ROBO2: variants seen among roughly 807,000 people sequenced by gnomAD.
The protein encoded by ROBO2 is roundabout guidance receptor 2.
In ROBO2, 53 loss-of-function variants were observed where a neutral mutation model predicts 160.8. That is an observed-to-expected ratio of 0.33 (90% confidence interval 0.26 to 0.41). The LOEUF (loss-of-function observed/expected upper bound fraction) is 0.41, where lower values mean the gene tolerates loss of function less well. ROBO2 is among the 10% of genes least tolerant of loss of function. The pLI, the probability that ROBO2 is intolerant of heterozygous loss-of-function variation, is 1.00. For synonymous variants in ROBO2, 664 were observed against 611.7 expected (o/e 1.09, Z -1.26); for missense variants, 1,577 against 1,722.4 (o/e 0.92, Z 1.49).
At chr3:76,306,890 T>C (rs2071358998) in intron 2 of ROBO2, among the ~76,000 whole-genome samples, 1 of 152,224 alleles carries the variant, frequency 6.6e-6, no homozygotes, top group Admixed American at 6.5e-5. Context: ...GACTATTGTA[T>C]ATTTAAGCGG....
intron 2 of ROBO2, among the ~76,000 whole-genome samples, chr3:76,667,008 A>G (rs1165744261): frequency 6.6e-6 from 1 of 152,106 alleles, no homozygotes; most frequent in East Asian, 1.9e-4. Context: ...AACTCAGAGG[A>G]ACACGCTCAT....
At chr3:76,068,784 CA>C (rs748415693) in intron 2 of ROBO2, among the ~76,000 whole-genome samples, 8 of 152,090 alleles carry the variant, frequency 5.3e-5, no homozygotes, top group Non-Finnish European at 1.2e-4. Flanking sequence ...TTCTACTTTC[CA>C]AAATTTGTTG....
intron 1 of ROBO2, among the ~76,000 whole-genome samples, chr3:77,095,312 C>T (rs1362529790): frequency 6.6e-6 from 1 of 152,058 alleles, no homozygotes; most frequent in Non-Finnish European, 1.5e-5. Flanking sequence ...GCTCATTGGA[C>T]ATACTGGAGT....
At chr3:76,442,871 G>A (rs1267792150) in intron 2 of ROBO2, among the ~76,000 whole-genome samples, 3 of 152,140 alleles carry the variant, frequency 2.0e-5, no homozygotes, top group East Asian at 3.9e-4. Context: ...ATTAGTTATT[G>A]TTACTCTCCA....
intron 2 of ROBO2, among the ~76,000 whole-genome samples, chr3:77,353,330 C>T (rs112197287): frequency 1.3e-4 from 20 of 152,076 alleles, no homozygotes; most frequent in East Asian, 5.8e-4. Context: ...ATTATATCAC[C>T]GTTCCTTGTT....
intron 2 of ROBO2, among the ~76,000 whole-genome samples, chr3:77,454,217 T>C (rs922952269): frequency 6.6e-6 from 1 of 152,070 alleles, no homozygotes; most frequent in Non-Finnish European, 1.5e-5. Flanking sequence ...GATATTTTAA[T>C]GGTTACTGTT....
intron 2 of ROBO2, among the ~76,000 whole-genome samples, chr3:77,002,214 G>A (rs1381145738): frequency 6.6e-6 from 1 of 151,716 alleles, no homozygotes; most frequent in Non-Finnish European, 1.5e-5. Flanking sequence ...GGCCCTTATA[G>A]CCTATATTAT....
intron 2 of ROBO2, among the ~76,000 whole-genome samples, chr3:77,102,156 G>A (rs1262074055): frequency 6.6e-6 from 1 of 152,236 alleles, no homozygotes; most frequent in African/African-American, 2.4e-5. Context: ...TGAAGAGCGA[G>A]TAGTGGTGGG....
intron 2 of ROBO2, among the ~76,000 whole-genome samples, chr3:76,729,613 T>C (rs1017767097): frequency 6.6e-6 from 1 of 151,342 alleles, no homozygotes; most frequent in Non-Finnish European, 1.5e-5. Flanking sequence ...TGAGTACACA[T>C]GTATTTCTTT....
At chr3:76,686,260 T>C in intron 2 of ROBO2, among the ~76,000 whole-genome samples, 1 of 152,152 alleles carries the variant, frequency 6.6e-6, no homozygotes, top group East Asian at 1.9e-4. Flanking sequence ...GTGTGTACTT[T>C]TCCCATAAAA....
chr3:76,192,524 CCACA>C (rs3039244), intron 2 of ROBO2, among the ~76,000 whole-genome samples: 31,266 of 129,838 alleles, frequency 0.24, 3,761 homozygotes, highest in South Asian at 0.27. Flanking sequence ...CAACACTCCA[CCACA>C]CACACACACA....
chr3:77,355,986 A>T (rs2069065915), intron 2 of ROBO2, among the ~76,000 whole-genome samples: 1 of 152,038 alleles, frequency 6.6e-6, no homozygotes, highest in Non-Finnish European at 1.5e-5. Context: ...GATGTCCAAT[A>T]TACATATAAA....
At chr3:76,444,929 C>T (rs945483151) in intron 2 of ROBO2, among the ~76,000 whole-genome samples, 3 of 152,096 alleles carry the variant, frequency 2.0e-5, no homozygotes, top group Non-Finnish European at 4.4e-5. Context: ...AAATTATATG[C>T]AGGCATTCAA....
chr3:76,146,854 C>T (rs1469021230), intron 2 of ROBO2, among the ~76,000 whole-genome samples: 1 of 146,896 alleles, frequency 6.8e-6, no homozygotes, highest in African/African-American at 2.5e-5. Flanking sequence ...ATACCCACCT[C>T]TCCCCTCCAC....
At chr3:76,406,787 T>G (rs563278953) in intron 2 of ROBO2, among the ~76,000 whole-genome samples, 1 of 151,980 alleles carries the variant, frequency 6.6e-6, no homozygotes, top group Non-Finnish European at 1.5e-5. Context: ...TTCTCTTTTT[T>G]GTAGGTCCAG....
chr3:77,081,483 T>A (rs1292972368), intron 1 of ROBO2, among the ~76,000 whole-genome samples: 2 of 152,180 alleles, frequency 1.3e-5, no homozygotes, highest in Non-Finnish European at 2.9e-5. Flanking sequence ...TTCTGGAGAC[T>A]AACGTGATGA....
exon 1 of ROBO2, chr3:77,040,183 C>A (rs543316895): frequency 4.1e-6 from 4 of 985,782 alleles, no homozygotes; most frequent in Admixed American, 6.1e-5. Flanking sequence ...GGGAGGGCAA[C>A]ACCGCTGCAA....
At chr3:76,160,555 C>T (rs929562040) in intron 2 of ROBO2, among the ~76,000 whole-genome samples, 1 of 152,170 alleles carries the variant, frequency 6.6e-6, no homozygotes, top group African/African-American at 2.4e-5. Context: ...GCTGTGTCAT[C>T]CCTTCTTAAA....
At chr3:76,056,813 A>T (rs2067863623) in intron 2 of ROBO2, among the ~76,000 whole-genome samples, 1 of 152,212 alleles carries the variant, frequency 6.6e-6, no homozygotes, top group African/African-American at 2.4e-5. Context: ...TTGGTTTGCT[A>T]AAGTCTACCC....
Sources: allele counts gnomAD v4.1 joint callset (sites outside exome capture counted in the v4.1 genomes callset), GRCh38; gene constraint gnomAD v4.1.1; transcripts MANE v1.5; gene names NCBI Gene and HGNC (gene_info 2026-07-23, HGNC 2026-07-21).